The following LRRC63 variants were observed in gnomAD, a reference collection of about 807,000 sequenced individuals.
LRRC63 encodes leucine rich repeat containing 63.
Under a neutral mutation model 49.5 loss-of-function variants are expected in LRRC63, and 40 were observed. That is an observed-to-expected ratio of 0.81 (90% CI 0.63 to 1.05). The LOEUF is 1.05. Among genes scored for constraint, LRRC63 ranks in the 50% least tolerant of loss-of-function variants. The pLI is 0.00. For missense variants in LRRC63, 636 were observed against 663.1 expected, an observed-to-expected ratio of 0.96 and a Z score of 0.45; for synonymous variants, 191 against 221.1, an observed-to-expected ratio of 0.86 and a Z score of 1.21.
intron 7 of LRRC63, among the ~76,000 whole-genome samples, chr13:46,260,042 A>G (rs2047589045): frequency 6.6e-6 from 1 of 152,238 alleles, no homozygotes. Context: ...CAGACCAAAC[A>G]GGCTGTCTGA....
intron 5 of LRRC63, among the ~76,000 whole-genome samples, chr13:46,234,723 A>T (rs2046858275): frequency 6.6e-6 from 1 of 152,146 alleles, no homozygotes; most frequent in African/African-American, 2.4e-5. Context: ...ATCATTTGTT[A>T]AGTATCCACT....
At chr13:46,241,016 T>C (rs1207458343) in intron 5 of LRRC63, among the ~76,000 whole-genome samples, 3 of 152,164 alleles carry the variant, frequency 2.0e-5, no homozygotes, top group Non-Finnish European at 2.9e-5. Context: ...AAAAAGAGCC[T>C]GACTAGCCAA....
chr13:46,272,261 C>T (rs757681259), intron 9 of LRRC63, among the ~76,000 whole-genome samples: 1 of 151,964 alleles, frequency 6.6e-6, no homozygotes, highest in Non-Finnish European at 1.5e-5. Flanking sequence ...GCAATACCTT[C>T]GATAAGAGGA....
intron 5 of LRRC63, among the ~76,000 whole-genome samples, chr13:46,239,699 A>T (rs201728452): frequency 6.6e-6 from 1 of 152,180 alleles, no homozygotes; most frequent in East Asian, 1.9e-4. Flanking sequence ...AACAACAACA[A>T]CAACAAAACT....
rs141843598 is a variant in LRRC63 at position 46,265,411 on chromosome 13, T to G, written c.1311-1322T>G. Among the ~76,000 whole-genome samples the G allele has an allele frequency of 2.5e-4, 38 of 152,258 alleles. No individual in the cohort carries two copies. In the East Asian group the frequency reaches 7.0e-3, roughly 28 times the overall value. On this transcript the variant is annotated intron_variant, in intron 8 of 9. Transcript: ENST00000595396. ...CAAAACACCATAGGCTGGGCAGTTA[T>G]AAAAAACAGAAATTTATTTCCCACA...
At chr13:46,276,409 T>G (rs1270187048) in intron 9 of LRRC63, among the ~76,000 whole-genome samples, 181 bp from the exon 10 acceptor site, 1 of 152,194 alleles carries the variant, frequency 6.6e-6, no homozygotes, top group African/African-American at 2.4e-5. Context: ...GTATTATACA[T>G]ATACCTACTT....
chr13:46,232,651 G>GAGAGAA (rs1038837741), intron 4 of LRRC63, among the ~76,000 whole-genome samples: 1 of 152,078 alleles, frequency 6.6e-6, no homozygotes, highest in African/African-American at 2.4e-5. Flanking sequence ...GAAAGATAGA[G>GAGAGAA]AGAGAAAGAG....
At chr13:46,230,638 G>C (rs1594033307) in intron 4 of LRRC63, among the ~76,000 whole-genome samples, 1 of 152,276 alleles carries the variant, frequency 6.6e-6, no homozygotes, top group East Asian at 1.9e-4. Context: ...TTGAGGCCTT[G>C]TTCCTCTTGG....
At chr13:46,226,187 T>A (rs2046571392) in intron 2 of LRRC63, among the ~76,000 whole-genome samples, 1 of 152,034 alleles carries the variant, frequency 6.6e-6, no homozygotes, top group African/African-American at 2.4e-5. Context: ...TATTGCTATG[T>A]TGCCCAGGCT....
chr13:46,232,499 C>A (rs924663790), intron 4 of LRRC63, among the ~76,000 whole-genome samples: 1 of 152,116 alleles, frequency 6.6e-6, no homozygotes, highest in Non-Finnish European at 1.5e-5. Context: ...TTGGAATTTC[C>A]GTTGAAATTC....
exon 5 of LRRC63, chr13:46,234,215 G>A: frequency 1.3e-6 from 2 of 1,549,282 alleles, no homozygotes; most frequent in Non-Finnish European, 1.7e-6. Flanking sequence ...TGAAAAAATA[G>A]AATCAGAGAT....
At chr13:46,274,102 G>A (rs1285310886) in intron 9 of LRRC63, among the ~76,000 whole-genome samples, 1 of 152,096 alleles carries the variant, frequency 6.6e-6, no homozygotes, top group Non-Finnish European at 1.5e-5. Flanking sequence ...AGGCTGGGTG[G>A]AGGTCAGTTA....
At position 46,213,368 on chromosome 13, in the gene LRRC63, C is replaced by G. The variant is rs1203397181; in HGVS notation, c.85+249C>G. Among the ~76,000 whole-genome samples the G allele has an allele frequency of 3.3e-5, 5 of 152,368 alleles. No homozygotes were observed. The East Asian group carries it at 9.6e-4, about 29-fold the overall frequency. On this transcript the variant is annotated intron_variant, in intron 2 of 9. Coordinates refer to ENST00000595396, the Ensembl canonical transcript of LRRC63. ...CCAGAATTGGTACTCAAAGGGCTTT[C>G]TCAGTCATGCGTGGATATGTGCAGA...
intron 9 of LRRC63, chr13:46,270,636 GC>G (rs748030744): frequency 1.2e-6 from 1 of 803,402 alleles, no homozygotes; most frequent in Non-Finnish European, 2.2e-6. Context: ...CTGACATGGA[GC>G]AAAAAGCAAA....
chr13:46,265,232 T>G (rs2047668485), intron 8 of LRRC63, among the ~76,000 whole-genome samples: 1 of 152,104 alleles, frequency 6.6e-6, no homozygotes, highest in South Asian at 2.1e-4. Context: ...TAAACAGGTG[T>G]GTCCTCCGAG....
chr13:46,234,456 A>G, intron 5 of LRRC63, 107 bp downstream of exon 5: 1 of 1,042,458 alleles, frequency 9.6e-7, no homozygotes, highest in Non-Finnish European at 1.3e-6. Context: ...GAATTTTCCT[A>G]TTACAATAGA....
At chr13:46,259,254 C>T (rs2047575574) in intron 7 of LRRC63, among the ~76,000 whole-genome samples, 1 of 151,354 alleles carries the variant, frequency 6.6e-6, no homozygotes, top group African/African-American at 2.4e-5. Flanking sequence ...TTCAAAAATC[C>T]AAATGTTTTT....
intron 8 of LRRC63, among the ~76,000 whole-genome samples, chr13:46,266,327 T>G (rs2047683805): frequency 6.6e-6 from 1 of 152,236 alleles, no homozygotes; most frequent in South Asian, 2.1e-4. Flanking sequence ...TATGTTTTGA[T>G]AGCATAAATT....
intron 9 of LRRC63, chr13:46,270,140 C>T (rs1203790305): frequency 7.1e-6 from 5 of 705,580 alleles, no homozygotes; most frequent in Non-Finnish European, 1.3e-5. Flanking sequence ...ATACTTCACT[C>T]GCTGGTACAA....
Sources: allele counts gnomAD v4.1 joint callset (sites outside exome capture counted in the v4.1 genomes callset), GRCh38; gene constraint gnomAD v4.1.1; transcripts MANE v1.5; gene names NCBI Gene and HGNC (gene_info 2026-07-23, HGNC 2026-07-21).